The following NELL1 variants were observed in gnomAD, a reference collection of about 807,000 sequenced individuals.
NELL1 encodes the protein neural EGFL like 1, also known as protein kinase C-binding protein NELL1.
A neutral mutation model predicts 107.4 loss-of-function variants in NELL1; 76 were observed. The ratio of observed to expected loss-of-function variants is 0.71; its 90% CI spans 0.59 to 0.86. The LOEUF (loss-of-function observed/expected upper bound fraction) is 0.86. NELL1 is among the 40% of genes least tolerant of loss of function. NELL1 has a pLI of 0.00. For missense variants in NELL1, 1,024 were observed against 1,005.5 expected, an observed-to-expected ratio of 1.02 and a Z score of -0.25; for synonymous variants, 353 against 341.2, an observed-to-expected ratio of 1.03 and a Z score of -0.38.
At chr11:20,953,874 A>T (rs1315890686) in intron 11 of NELL1, among the ~76,000 whole-genome samples, 1 of 152,174 alleles carries the variant, frequency 6.6e-6, no homozygotes, top group Admixed American at 6.5e-5. Context: ...CCCAATGCTC[A>T]AAGACAGTCA....
intron 3 of NELL1, among the ~76,000 whole-genome samples, chr11:20,802,794 A>G (rs1327786520): frequency 1.3e-5 from 2 of 152,138 alleles, no homozygotes; most frequent in Non-Finnish European, 2.9e-5. Context: ...GTTGAATTTG[A>G]TCAAATTATT....
chr11:21,354,470 G>C (rs1850885874), intron 14 of NELL1, among the ~76,000 whole-genome samples: 2 of 151,996 alleles, frequency 1.3e-5, no homozygotes, highest in Non-Finnish European at 2.9e-5. Context: ...CTGAATCCTG[G>C]GTGTGACTAG....
At chr11:20,799,829 G>C (rs1427209519) in intron 3 of NELL1, among the ~76,000 whole-genome samples, 1 of 152,142 alleles carries the variant, frequency 6.6e-6, no homozygotes, top group Non-Finnish European at 1.5e-5. Flanking sequence ...CTATCCAATA[G>C]GTAGTTTTTT....
At chr11:21,131,412 T>G (rs1855614204) in intron 13 of NELL1, among the ~76,000 whole-genome samples, 1 of 152,318 alleles carries the variant, frequency 6.6e-6, no homozygotes, top group African/African-American at 2.4e-5. Context: ...TTAGAGAGAC[T>G]ATTTTAATCC....
chr11:20,931,713 T>C (rs2134177540), intron 9 of NELL1, among the ~76,000 whole-genome samples: 1 of 152,316 alleles, frequency 6.6e-6, no homozygotes, highest in South Asian at 2.1e-4. Flanking sequence ...ACATTTAATG[T>C]TGTGAGGGAT....
intron 13 of NELL1, among the ~76,000 whole-genome samples, chr11:21,134,339 A>T (rs7934243): frequency 9.9e-5 from 15 of 151,886 alleles, no homozygotes; most frequent in African/African-American, 3.1e-4. Flanking sequence ...TGGGACTATA[A>T]GGATAGGAGA....
At chr11:20,841,440 C>T (rs1320113347) in intron 3 of NELL1, among the ~76,000 whole-genome samples, 1 of 151,284 alleles carries the variant, frequency 6.6e-6, no homozygotes, top group East Asian at 1.9e-4. Context: ...TAGATATTGG[C>T]TACATCTGCT....
intron 12 of NELL1, among the ~76,000 whole-genome samples, chr11:20,982,191 C>T (rs1026474688): frequency 6.6e-6 from 1 of 152,082 alleles, no homozygotes; most frequent in Non-Finnish European, 1.5e-5. Flanking sequence ...GTAGCCAGTC[C>T]TGAAACACAG....
chr11:20,686,198 G>C (rs1266412442), intron 2 of NELL1, among the ~76,000 whole-genome samples: 1 of 152,014 alleles, frequency 6.6e-6, no homozygotes, highest in Admixed American at 6.6e-5. Context: ...TCATTTCAGT[G>C]CTAGCCTGTT....
intron 14 of NELL1, among the ~76,000 whole-genome samples, chr11:21,348,443 T>C (rs905722362): frequency 1.3e-5 from 2 of 152,174 alleles, no homozygotes; most frequent in Non-Finnish European, 2.9e-5. Flanking sequence ...AAAAGTAAAG[T>C]ACATGTAAAC....
intron 3 of NELL1, among the ~76,000 whole-genome samples, chr11:20,790,091 G>T (rs1363485909): frequency 6.6e-6 from 1 of 152,198 alleles, no homozygotes; most frequent in Non-Finnish European, 1.5e-5. Context: ...GGCACTACAA[G>T]TTCCCATTCC....
intron 16 of NELL1, among the ~76,000 whole-genome samples, chr11:21,543,533 T>C (rs12279250): frequency 0.38 from 57,515 of 151,784 alleles, 12,300 homozygotes; most frequent in Non-Finnish European, 0.49. Context: ...TAAGAACATT[T>C]TGCAACATCT....
intron 14 of NELL1, among the ~76,000 whole-genome samples, chr11:21,275,996 AG>A (rs1381373837): frequency 6.6e-6 from 1 of 152,232 alleles, no homozygotes; most frequent in Non-Finnish European, 1.5e-5. Context: ...GGCACAAGAC[AG>A]GGATGCCGTC....
chr11:21,223,741 G>T (rs367663503), intron 13 of NELL1, among the ~76,000 whole-genome samples: 2 of 152,088 alleles, frequency 1.3e-5, no homozygotes, highest in East Asian at 3.9e-4. Context: ...TGCTCTACCA[G>T]TGAGTTATAC....
At chr11:21,489,999 G>T (rs745526096) in intron 15 of NELL1, among the ~76,000 whole-genome samples, 1 of 152,030 alleles carries the variant, frequency 6.6e-6, no homozygotes, top group Non-Finnish European at 1.5e-5. Flanking sequence ...AAGAGAGGAA[G>T]TCAGATTTTC....
chr11:20,744,425 C>G (rs1183350348), intron 2 of NELL1, among the ~76,000 whole-genome samples: 1 of 152,198 alleles, frequency 6.6e-6, no homozygotes, highest in African/African-American at 2.4e-5. Context: ...GTATAACACA[C>G]TACTCTAAAA....
intron 12 of NELL1, among the ~76,000 whole-genome samples, chr11:21,022,545 T>C (rs1275822076): frequency 6.6e-6 from 1 of 152,120 alleles, no homozygotes; most frequent in East Asian, 1.9e-4. Context: ...TCTTTCCAAT[T>C]TCCCCAGAGT....
intron 4 of NELL1, among the ~76,000 whole-genome samples, chr11:20,862,298 T>TA (rs879494491): frequency 2.0e-5 from 3 of 151,860 alleles, no homozygotes; most frequent in African/African-American, 4.8e-5. Flanking sequence ...CATTTTTTTT[T>TA]AAGCAATTTT....
At chr11:21,487,628 A>AGCAT (rs1854670574) in intron 15 of NELL1, among the ~76,000 whole-genome samples, 1 of 32,064 alleles carries the variant, frequency 3.1e-5, no homozygotes, top group African/African-American at 1.3e-4. Flanking sequence ...ATGAACAAAG[A>AGCAT]ACATACAACC....
Sources: gnomAD v4.1 joint callset for allele counts (sites outside exome capture counted in the v4.1 genomes callset) on GRCh38, gnomAD v4.1.1 for gene constraint, MANE v1.5 for transcripts, NCBI Gene and HGNC (gene_info 2026-07-23, HGNC 2026-07-21) for gene names.